TANC2: variants seen among roughly 807,000 people sequenced by gnomAD.
TANC2 encodes protein TANC2.
Under a neutral mutation model 210.5 loss-of-function variants are expected in TANC2, and 26 were observed. The ratio of observed to expected loss-of-function variants is 0.12; its 90% CI spans 0.09 to 0.17. TANC2 has a LOEUF of 0.17. Among genes scored for constraint, TANC2 ranks in the 10% least tolerant of loss-of-function variants. TANC2 has a pLI of 1.00. For missense variants in TANC2, 2,129 were observed against 2,608.9 expected (o/e 0.82, Z 4.01); for synonymous variants, 931 against 967.1 (o/e 0.96, Z 0.69).
chr17:63,257,934 A>G (rs1009140837), intron 8 of TANC2, among the ~76,000 whole-genome samples: 10 of 152,314 alleles, frequency 6.6e-5, no homozygotes, highest in East Asian at 5.8e-4. Flanking sequence ...TCTGTGAACT[A>G]TACTGTTACA....
chr17:63,083,464 C>T (rs1470389065), intron 3 of TANC2, among the ~76,000 whole-genome samples: 2 of 152,134 alleles, frequency 1.3e-5, no homozygotes, highest in Non-Finnish European at 1.5e-5. Flanking sequence ...GAGATTTCCT[C>T]CAGTCTCTTG....
At chr17:63,040,449 A>G (rs2035142493) in intron 2 of TANC2, among the ~76,000 whole-genome samples, 1 of 152,020 alleles carries the variant, frequency 6.6e-6, no homozygotes, top group South Asian at 2.1e-4. Flanking sequence ...GTACTCACAT[A>G]TTTTCGGTTT....
chr17:63,332,055 C>A, intron 11 of TANC2: 2 of 293,498 alleles, frequency 6.8e-6, no homozygotes, highest in Non-Finnish European at 6.8e-6. Context: ...ATCAATTATG[C>A]CATCTGTAGA....
At chr17:63,310,254 C>T (rs1419878010) in intron 9 of TANC2, among the ~76,000 whole-genome samples, 4 of 152,146 alleles carry the variant, frequency 2.6e-5, no homozygotes, top group Non-Finnish European at 4.4e-5. Flanking sequence ...CGAGACCAGC[C>T]TGGCCAACAT....
intron 25 of TANC2, 21 bp downstream of exon 25, chr17:63,413,655 A>T: frequency 6.4e-7 from 1 of 1,566,858 alleles, no homozygotes; most frequent in Non-Finnish European, 8.7e-7. Context: ...GGAGGGACAC[A>T]GTTTCTTCAG....
chr17:63,022,552 T>G (rs543219356), intron 2 of TANC2, among the ~76,000 whole-genome samples: 3 of 152,288 alleles, frequency 2.0e-5, no homozygotes, highest in Non-Finnish European at 4.4e-5. Flanking sequence ...TGAAAAAGAA[T>G]GTTTGGAAAG....
At chr17:63,390,995 CG>C (rs2047952940) in intron 17 of TANC2, 2 of 152,196 alleles carry the variant, frequency 1.3e-5, no homozygotes, top group Admixed American at 1.3e-4. Flanking sequence ...TCAGTTCTTA[CG>C]TACGCTCACC....
At chr17:63,109,075 T>C (rs1033843776) in intron 4 of TANC2, among the ~76,000 whole-genome samples, 23 of 151,566 alleles carry the variant, frequency 1.5e-4, no homozygotes, top group Admixed American at 1.4e-3. Flanking sequence ...TTAAAACTTA[T>C]GAAATGTAGC....
intron 5 of TANC2, among the ~76,000 whole-genome samples, chr17:63,157,396 T>A (rs2039876264): frequency 6.6e-6 from 1 of 152,204 alleles, no homozygotes; most frequent in African/African-American, 2.4e-5. Context: ...CTGAATGTGG[T>A]GTTTAGATCT....
intron 7 of TANC2, among the ~76,000 whole-genome samples, chr17:63,214,400 G>A (rs987363538): frequency 6.6e-6 from 1 of 152,196 alleles, no homozygotes; most frequent in Non-Finnish European, 1.5e-5. Flanking sequence ...TCGTTGTGAA[G>A]GCCACTTTGG....
At chr17:63,357,582 T>G (rs1410450934) in intron 14 of TANC2, among the ~76,000 whole-genome samples, 1 of 152,224 alleles carries the variant, frequency 6.6e-6, no homozygotes, top group Non-Finnish European at 1.5e-5. Flanking sequence ...CAAAAAAAGC[T>G]TTCTTAGATT....
intron 5 of TANC2, among the ~76,000 whole-genome samples, chr17:63,165,386 T>A (rs2040178672): frequency 1.3e-5 from 2 of 152,254 alleles, no homozygotes; most frequent in African/African-American, 4.8e-5. Context: ...GCGTATTTGA[T>A]ATGTGCCATT....
intron 1 of TANC2, among the ~76,000 whole-genome samples, chr17:62,969,279 G>A (rs962036602): frequency 6.6e-6 from 1 of 152,218 alleles, no homozygotes; most frequent in African/African-American, 2.4e-5. Flanking sequence ...CTGAAACACA[G>A]AGAGGTTAAA....
At chr17:63,084,295 T>C (rs879857666) in intron 3 of TANC2, among the ~76,000 whole-genome samples, 4 of 152,154 alleles carry the variant, frequency 2.6e-5, no homozygotes, top group Non-Finnish European at 5.9e-5. Flanking sequence ...TCCTGTATTA[T>C]CCTTTTAATG....
chr17:63,299,703 T>G (rs2044649279), intron 9 of TANC2, among the ~76,000 whole-genome samples: 1 of 152,188 alleles, frequency 6.6e-6, no homozygotes. Flanking sequence ...GATGGATCGA[T>G]TGCAAATAGT....
At chr17:63,277,133 G>A (rs1293484805) in intron 9 of TANC2, among the ~76,000 whole-genome samples, 4 of 152,092 alleles carry the variant, frequency 2.6e-5, no homozygotes, top group Admixed American at 6.6e-5. Flanking sequence ...CAGCATTGAA[G>A]CACCATCTAC....
intron 1 of TANC2, among the ~76,000 whole-genome samples, chr17:62,989,932 GGC>G (rs2032773702): frequency 6.6e-6 from 1 of 151,774 alleles, no homozygotes; most frequent in African/African-American, 2.4e-5. Context: ...CGCCACACCT[GGC>G]TAATTTTTTT....
chr17:63,380,095 A>G (rs1021344953), intron 15 of TANC2, among the ~76,000 whole-genome samples: 2 of 152,226 alleles, frequency 1.3e-5, no homozygotes, highest in Non-Finnish European at 2.9e-5. Context: ...TGTGCTCCAT[A>G]CATGACCTAT....
intron 2 of TANC2, among the ~76,000 whole-genome samples, chr17:63,050,356 C>G (rs577867819): frequency 2.3e-4 from 28 of 119,404 alleles, no homozygotes; most frequent in Admixed American, 4.4e-4. Context: ...GACCCTGTTT[C>G]AAGAAAAAAA....
Sources: gnomAD v4.1 joint callset for allele counts (sites outside exome capture counted in the v4.1 genomes callset) on GRCh38, gnomAD v4.1.1 for gene constraint, MANE v1.5 for transcripts, NCBI Gene and HGNC (gene_info 2026-07-23, HGNC 2026-07-21) for gene names.